Variants in GRAMD2B observed in about 807,000 individuals in gnomAD.
The protein encoded by GRAMD2B is GRAM domain containing 2B.
A neutral mutation model predicts 59.2 loss-of-function variants in GRAMD2B; 41 were observed. That is an observed-to-expected ratio of 0.69 (90% CI 0.54 to 0.90). The LOEUF (loss-of-function observed/expected upper bound fraction) is 0.90, where lower values mean the gene tolerates loss of function less well. Among genes scored for constraint, GRAMD2B ranks in the 40% least tolerant of loss-of-function variants. The pLI is 0.00. For synonymous variants in GRAMD2B, 161 were observed against 182.7 expected (o/e 0.88, Z 0.96); for missense variants, 424 against 500.5 (o/e 0.85, Z 1.46).
At chr5:126,466,272 TG>T in intron 2 of GRAMD2B, 1 of 1,550,340 alleles carries the variant, frequency 6.5e-7, no homozygotes, top group Non-Finnish European at 8.7e-7. Flanking sequence ...CTCCGCTTTT[TG>T]CTTCCTTCCT....
chr5:126,479,604 A>G (rs1247995690), intron 6 of GRAMD2B, among the ~76,000 whole-genome samples: 2 of 152,080 alleles, frequency 1.3e-5, no homozygotes, highest in Admixed American at 6.5e-5. Context: ...AATTTTCCCA[A>G]TGTCACCCAC....
chr5:126,454,605 A>T (rs1765939999), intron 1 of GRAMD2B, among the ~76,000 whole-genome samples: 1 of 152,170 alleles, frequency 6.6e-6, no homozygotes, highest in Non-Finnish European at 1.5e-5. Flanking sequence ...TTAGGAGTAG[A>T]TATAGAGGCA....
At chr5:126,378,923 G>T (rs1481910160) in intron 1 of GRAMD2B, among the ~76,000 whole-genome samples, 2 of 151,826 alleles carry the variant, frequency 1.3e-5, no homozygotes, top group African/African-American at 4.8e-5. Flanking sequence ...TTTTATTTCA[G>T]TACGTTTTTG....
At chr5:126,390,976 A>C (rs1056439966) in intron 1 of GRAMD2B, among the ~76,000 whole-genome samples, 38 of 151,962 alleles carry the variant, frequency 2.5e-4, no homozygotes, top group Middle Eastern at 3.4e-3. Flanking sequence ...CTGTACTCCA[A>C]CTCCTCCCAC....
intron 1 of GRAMD2B, among the ~76,000 whole-genome samples, chr5:126,436,295 TA>T (rs1762392525): frequency 6.6e-6 from 1 of 152,226 alleles, no homozygotes; most frequent in Non-Finnish European, 1.5e-5. Flanking sequence ...GAGGACCTAC[TA>T]TTTTTAGACA....
At chr5:126,411,562 C>A (rs547154584) in intron 1 of GRAMD2B, among the ~76,000 whole-genome samples, 1 of 152,180 alleles carries the variant, frequency 6.6e-6, no homozygotes, top group East Asian at 1.9e-4. Context: ...GTTCTTTTTG[C>A]TCACAATTCC....
intron 1 of GRAMD2B, among the ~76,000 whole-genome samples, chr5:126,389,302 A>G (rs1308738194): frequency 2.0e-5 from 3 of 152,166 alleles, no homozygotes; most frequent in Non-Finnish European, 2.9e-5. Flanking sequence ...TACTTGAAAT[A>G]CCTTTGGCTG....
chr5:126,480,788 G>C (rs1400999145), intron 8 of GRAMD2B, 81 bp downstream of exon 8: 1 of 1,299,128 alleles, frequency 7.7e-7, no homozygotes, highest in Non-Finnish European at 1.1e-6. Flanking sequence ...ACCATGACCA[G>C]GGTGTGGGAA....
At chr5:126,376,127 G>A (rs1755163081) in intron 1 of GRAMD2B, among the ~76,000 whole-genome samples, 1 of 152,230 alleles carries the variant, frequency 6.6e-6, no homozygotes, top group Non-Finnish European at 1.5e-5. Context: ...GGATCAAGAA[G>A]CTTTTGGAGA....
chr5:126,403,433 T>C (rs1179879886), intron 1 of GRAMD2B, among the ~76,000 whole-genome samples: 2 of 152,000 alleles, frequency 1.3e-5, no homozygotes, highest in Non-Finnish European at 2.9e-5. Flanking sequence ...CACTTCTACG[T>C]TGGCTGTTGC....
intron 1 of GRAMD2B, among the ~76,000 whole-genome samples, chr5:126,373,838 G>A (rs759307720): frequency 4.6e-5 from 7 of 152,142 alleles, no homozygotes; most frequent in African/African-American, 1.2e-4. Context: ...AGGGAAGATA[G>A]GGAAGAAGTC....
rs1192023070 is a variant in GRAMD2B at position 126,485,651 on chromosome 5, T to C, written c.971-35T>C. The C allele has an allele frequency of 3.7e-6, 5 of 1,362,506 alleles. No individual in the cohort carries two copies. The Admixed American group carries it at 6.8e-5, about 19-fold the overall frequency. The allele number at this position is 1,362,506 out of a possible 1,614,324, so 84.4% of individuals were successfully genotyped here. On this transcript the variant is annotated intron_variant, in intron 10 of 13. Transcript: ENST00000285689. ...GCTGGATAAAAGAAGTGTGTTATGG[T>C]TTTAAACAGTTGTTTTTTGTTTTCC...
At position 126,477,708 on chromosome 5, in the gene GRAMD2B, T is replaced by TA; in HGVS notation, c.503_504insA (p.Phe168LeufsTer57). On this transcript the variant is annotated frameshift_variant, in exon 6 of 14. Coordinates refer to ENST00000285689, the MANE Select transcript of GRAMD2B (RefSeq NM_023927.4). LOFTEE classifies it high-confidence loss of function. The stretch of plus-strand genomic sequence containing the variant: ...CTGTTTCAGATCTCTATTCCAGCTT[T>TA]CTCGGTAACCCTAATAAAGAAAACC... 6.2e-7 allele frequency: 1 copy of TA among 1,604,946 alleles called. No individual in the cohort carries two copies. Among genetic ancestry groups the TA allele is most frequent in the Non-Finnish European group, 8.5e-7 (1 of 1,171,638 alleles).
rs1189273255 is a variant in GRAMD2B at position 126,460,045 on chromosome 5, C to T, written c.84-5381C>T. ...CATCAGTAAGGAACTGGTTAAATAA[C>T]ATTTCATCCTTACGATGTAACTTTA... On this transcript the variant is annotated intron_variant, in intron 1 of 13. Transcript: ENST00000285689. Among the ~76,000 whole-genome samples, 3 of 152,128 alleles carry T rather than the reference C, an allele frequency of 2.0e-5. No homozygotes were observed. In the East Asian group the frequency reaches 5.8e-4, roughly 29 times the overall value.
chr5:126,401,524 T>A (rs113533973), intron 1 of GRAMD2B, among the ~76,000 whole-genome samples: 1,522 of 152,176 alleles, frequency 0.01, 40 homozygotes, highest in African/African-American at 0.035. Context: ...TCATGTTTTT[T>A]GAAGTCTTTC....
intron 13 of GRAMD2B, among the ~76,000 whole-genome samples, chr5:126,492,196 G>T (rs994748151): frequency 6.6e-6 from 1 of 152,136 alleles, no homozygotes; most frequent in African/African-American, 2.4e-5. Flanking sequence ...ATATCTAATT[G>T]GAGTAACAGG....
chr5:126,373,998 C>T (rs1264235044), intron 1 of GRAMD2B, among the ~76,000 whole-genome samples: 1 of 152,180 alleles, frequency 6.6e-6, no homozygotes, highest in African/African-American at 2.4e-5. Context: ...TAAAAGAGCA[C>T]TCTGGCCTAC....
chr5:126,416,446 T>G (rs1028803197), intron 1 of GRAMD2B, among the ~76,000 whole-genome samples: 3 of 152,194 alleles, frequency 2.0e-5, no homozygotes, highest in Non-Finnish European at 2.9e-5. Flanking sequence ...AAACAACCAC[T>G]CAGTGATTCA....
chr5:126,448,939 T>A (rs1764838142), intron 1 of GRAMD2B, among the ~76,000 whole-genome samples: 1 of 152,188 alleles, frequency 6.6e-6, no homozygotes, highest in African/African-American at 2.4e-5. Flanking sequence ...AGGGTTAGTG[T>A]GGTATCATGG....
Sources: allele counts gnomAD v4.1 joint callset (sites outside exome capture counted in the v4.1 genomes callset), GRCh38; gene constraint gnomAD v4.1.1; transcripts MANE v1.5; gene names NCBI Gene and HGNC (gene_info 2026-07-23, HGNC 2026-07-21).